The following GIGYF2 variants were observed in gnomAD, a reference collection of about 807,000 sequenced individuals.
GIGYF2 encodes the protein GRB10 interacting GYF protein 2, also known as GRB10-interacting GYF protein 2.
GIGYF2 carries 25 observed loss-of-function variants against 208.1 expected under a neutral mutation model. The ratio of observed to expected loss-of-function variants is 0.12; its 90% CI spans 0.09 to 0.17. GIGYF2 has a LOEUF of 0.17. GIGYF2 is among the 10% of genes least tolerant of loss of function. The pLI is 1.00. For missense variants in GIGYF2, 1,302 were observed against 1,579.4 expected (o/e 0.82, Z 2.98); for synonymous variants, 534 against 543.8 (o/e 0.98, Z 0.25).
At chr2:232,744,746 G>A (rs1184621769) in intron 3 of GIGYF2, among the ~76,000 whole-genome samples, 1 of 151,728 alleles carries the variant, frequency 6.6e-6, no homozygotes, top group African/African-American at 2.4e-5. Flanking sequence ...TGCCCAGGCT[G>A]GTCTTGAACT....
chr2:232,751,074 A>C (rs1032122260), intron 5 of GIGYF2, among the ~76,000 whole-genome samples: 14 of 152,008 alleles, frequency 9.2e-5, no homozygotes, highest in African/African-American at 3.4e-4. Flanking sequence ...CGATTCTCCT[A>C]CCTCAGCCTC....
At chr2:232,704,859 T>TTTTTTC (rs1372390883) in intron 2 of GIGYF2, among the ~76,000 whole-genome samples, 1 of 136,584 alleles carries the variant, frequency 7.3e-6, no homozygotes, top group African/African-American at 2.8e-5. Flanking sequence ...CTTCTGGATT[T>TTTTTTC]TTTTTTTTTT....
intron 19 of GIGYF2, 34 bp downstream of exon 19, chr2:232,815,771 T>C (rs1559452865): frequency 9.4e-7 from 1 of 1,062,802 alleles, no homozygotes; most frequent in Non-Finnish European, 1.5e-6. Flanking sequence ...CAGTGCATTG[T>C]CATCTGGCTG....
intron 8 of GIGYF2, chr2:232,767,205 T>G (rs980971006): frequency 1.3e-5 from 2 of 152,208 alleles, no homozygotes; most frequent in Non-Finnish European, 2.9e-5. Flanking sequence ...GAATTTGAGT[T>G]TGAAAATGCT....
chr2:232,779,570 A>G (rs1000818966), intron 8 of GIGYF2, among the ~76,000 whole-genome samples: 7 of 152,080 alleles, frequency 4.6e-5, no homozygotes, highest in Non-Finnish European at 7.4e-5. Flanking sequence ...GTCTCTTTCC[A>G]TTTCCACATG....
intron 2 of GIGYF2, among the ~76,000 whole-genome samples, chr2:232,730,877 G>A (rs1357916807): frequency 2.8e-5 from 3 of 108,744 alleles, no homozygotes; most frequent in East Asian, 2.7e-4. Context: ...CAGCCTGGGC[G>A]ACAGAGCGAG....
Position 232,794,901 on chromosome 2 carries a change from C to T in GIGYF2, c.1436C>T (p.Ser479Phe). 1 of 1,613,978 alleles carries T rather than the reference C, an allele frequency of 6.2e-7. No individual in the cohort carries two copies. Among genetic ancestry groups the T allele is most frequent in the Non-Finnish European group, 8.5e-7 (1 of 1,179,884 alleles). Residue 479 changes from serine to phenylalanine, a missense_variant, in exon 13 of 29, where the codon TCC (serine) becomes TTC (phenylalanine). Coordinates refer to ENST00000373563, the MANE Select transcript of GIGYF2 (RefSeq NM_001103146.3). Reference protein sequence around the residue: ...VVGAPGMGSVSTEPDDEEGLK... With the variant: ...VVGAPGMGSVFTEPDDEEGLK... Reference sequence around the variant, plus strand: ...GGTGCTCCTGGTATGGGCAGTGTTTCCACAGAACCTGATGATGAAGAAGGT... The same window carrying T: ...GGTGCTCCTGGTATGGGCAGTGTTTTCACAGAACCTGATGATGAAGAAGGT...
chr2:232,726,971 T>C lies in GIGYF2; in HGVS notation c.-43-8184T>C, dbSNP rs1251305040. Among the ~76,000 whole-genome samples the C allele has an allele frequency of 7.3e-5, 11 of 151,458 alleles. No individual in the cohort carries two copies. In the East Asian group the frequency reaches 2.1e-3, roughly 29 times the overall value. On this transcript the variant is annotated intron_variant, in intron 2 of 28. Transcript: ENST00000373563. ...TTCTGTGGAATGTTACACAGCTTGC[T>C]TTTTTTTTGGGGGCGCAGAGTCTTG...
intron 3 of GIGYF2, chr2:232,736,239 A>G: frequency 1.3e-6 from 1 of 796,386 alleles, no homozygotes; most frequent in Non-Finnish European, 1.5e-6. Context: ...AACCTAAGTA[A>G]TGCTGTACTT....
rs76300274 is a variant in GIGYF2 at position 232,833,134 on chromosome 2, A to G, written c.2766+41A>G. On this transcript the variant is annotated intron_variant, in intron 22 of 28. Coordinates refer to ENST00000373563, the MANE Select transcript of GIGYF2 (RefSeq NM_001103146.3). Reference sequence around the variant, plus strand: ...TCAACCTTAGGAGCTCCTTGCTAACATTTTTTAGTTAGGTAGGTGCTGGCT... The same window carrying G: ...TCAACCTTAGGAGCTCCTTGCTAACGTTTTTTAGTTAGGTAGGTGCTGGCT... 5.0e-6 allele frequency: 7 copies of G among 1,400,036 alleles called. No individual in the cohort carries two copies. In the African/African-American group the frequency reaches 8.5e-5, roughly 17 times the overall value. 86.7% of individuals were successfully genotyped at this position (1,400,036 alleles called of 1,614,324 possible). A position where few individuals can be genotyped will look rare whatever the true frequency, so the allele number is the denominator to read the frequency against.
At chr2:232,746,498 T>A (rs996062801) in intron 3 of GIGYF2, among the ~76,000 whole-genome samples, 1 of 152,184 alleles carries the variant, frequency 6.6e-6, no homozygotes, top group Non-Finnish European at 1.5e-5. Flanking sequence ...TATCAGCTAC[T>A]CCTGATGTTA....
At chr2:232,736,805 C>G (rs1452679613) in intron 3 of GIGYF2, among the ~76,000 whole-genome samples, 1 of 152,106 alleles carries the variant, frequency 6.6e-6, no homozygotes, top group African/African-American at 2.4e-5. Context: ...ACCCTCATGT[C>G]TGTTTCTTTA....
intron 8 of GIGYF2, among the ~76,000 whole-genome samples, chr2:232,777,038 A>G (rs1699543068): frequency 6.6e-6 from 1 of 152,122 alleles, no homozygotes; most frequent in African/African-American, 2.4e-5. Flanking sequence ...TCTCATCAGA[A>G]TGGCTACCAT....
chr2:232,801,402 G>A (rs1700395499), intron 14 of GIGYF2, among the ~76,000 whole-genome samples: 1 of 152,126 alleles, frequency 6.6e-6, no homozygotes, highest in Non-Finnish European at 1.5e-5. Context: ...GTATGCACCT[G>A]TAGTCCCAGC....
At chr2:232,698,743 A>G (rs1695717050) in intron 1 of GIGYF2, among the ~76,000 whole-genome samples, 1 of 152,210 alleles carries the variant, frequency 6.6e-6, no homozygotes, top group East Asian at 1.9e-4. Context: ...AACTGGAAAA[A>G]TGTCACATGA....
intron 6 of GIGYF2, 52 bp from the exon 7 acceptor site, chr2:232,760,428 G>T: frequency 8.9e-7 from 1 of 1,119,888 alleles, no homozygotes; most frequent in Non-Finnish European, 1.4e-6. Context: ...TGGTGAATGT[G>T]TGCCACATGT....
chr2:232,788,672 C>A, intron 9 of GIGYF2: 1 of 406,096 alleles, frequency 2.5e-6, no homozygotes, highest in Non-Finnish European at 5.3e-6. Flanking sequence ...TAACAAAGTA[C>A]CTCCCACCCA....
chr2:232,771,398 A>C (rs748502800), intron 8 of GIGYF2: 2 of 1,464,222 alleles, frequency 1.4e-6, no homozygotes, highest in South Asian at 2.3e-5. Context: ...AGAGTAAATT[A>C]GTAAGCTCTT....
intron 8 of GIGYF2, among the ~76,000 whole-genome samples, chr2:232,781,039 C>CCT (rs1232351203): frequency 3.3e-5 from 5 of 151,960 alleles, no homozygotes; most frequent in African/African-American, 1.2e-4. Context: ...CTCACTGCAA[C>CCT]CTCCACCTCC....
Sources: allele counts gnomAD v4.1 joint callset (sites outside exome capture counted in the v4.1 genomes callset), GRCh38; gene constraint gnomAD v4.1.1; transcripts MANE v1.5; gene names NCBI Gene and HGNC (gene_info 2026-07-23, HGNC 2026-07-21).